IL17B: variants seen among roughly 807,000 people sequenced by gnomAD.
IL17B encodes interleukin-17B.
Under a neutral mutation model 14.7 loss-of-function variants are expected in IL17B, and 14 were observed. The ratio of observed to expected loss-of-function variants is 0.95; its 90% CI spans 0.63 to 1.49. The LOEUF is 1.49. Ranked by LOEUF, IL17B falls within the 40% of genes most tolerant of loss-of-function variation. The pLI, the probability that IL17B is intolerant of heterozygous loss-of-function variation, is 0.00. For missense variants in IL17B, 233 were observed against 252.8 expected (o/e 0.92, Z 0.53); for synonymous variants, 105 against 94.8 (o/e 1.11, Z -0.62).
chr5:149,380,386 CATT>C (rs1040921225), upstream of IL17B, among the ~76,000 whole-genome samples: 12 of 152,256 alleles, frequency 7.9e-5, no homozygotes, highest in Admixed American at 5.2e-4. Flanking sequence ...TTATTATAAA[CATT>C]AGTTGTTCTA....
At chr5:149,393,586 C>G (rs1759030629) in intron 1 of IL17B, among the ~76,000 whole-genome samples, 1 of 152,242 alleles carries the variant, frequency 6.6e-6, no homozygotes, top group South Asian at 2.1e-4. Context: ...TCACTTAACA[C>G]TGTCTTCCTT....
At chr5:149,402,829 C>G (rs1446801712) in intron 1 of IL17B, among the ~76,000 whole-genome samples, 1 of 151,422 alleles carries the variant, frequency 6.6e-6, no homozygotes, top group Admixed American at 6.6e-5. Context: ...CGGTGAAACC[C>G]CATCTCTATT....
intron 1 of IL17B, among the ~76,000 whole-genome samples, chr5:149,402,605 T>A (rs576090565): frequency 2.0e-4 from 30 of 151,258 alleles, no homozygotes; most frequent in African/African-American, 6.6e-4. Context: ...ACTCTCACAC[T>A]TACCCTCTCC....
At chr5:149,376,195 A>G (rs1448459882) in intron 2 of IL17B, among the ~76,000 whole-genome samples, 1 of 152,226 alleles carries the variant, frequency 6.6e-6, no homozygotes, top group African/African-American at 2.4e-5. Context: ...ATCCAGGGCA[A>G]TGGGTCTTGA....
At chr5:149,401,984 A>C (rs940394295) in intron 1 of IL17B, among the ~76,000 whole-genome samples, 1 of 152,162 alleles carries the variant, frequency 6.6e-6, no homozygotes, top group Non-Finnish European at 1.5e-5. Flanking sequence ...GGGTGCAATT[A>C]GTGTGGCCCG....
In IL17B at chr5:149,385,424, G is replaced by A. The variant is rs375586665; in HGVS notation, n.96-8399C>T. ...CTCCCAAAGTGCTGGCATTACAGGC[G>A]TGAGCCACCGTACGCGGCCAGTTTT... On this transcript the variant is annotated intron_variant and non_coding_transcript_variant, in intron 1 of 2. Coordinates refer to the IL17B transcript ENST00000505432. Among the ~76,000 whole-genome samples the A allele has an allele frequency of 1.4e-4, 22 of 152,294 alleles. No individual in the cohort carries two copies. The South Asian group carries it at 3.1e-3, about 21-fold the overall frequency.
At chr5:149,384,651 A>G (rs1377485615) in intron 1 of IL17B, among the ~76,000 whole-genome samples, 1 of 152,050 alleles carries the variant, frequency 6.6e-6, no homozygotes, top group Non-Finnish European at 1.5e-5. Flanking sequence ...ATATGTGGCA[A>G]GTGCCTGGCA....
intron 1 of IL17B, 133 bp downstream of exon 1, chr5:149,379,072 G>T: frequency 9.4e-7 from 1 of 1,061,958 alleles, no homozygotes; most frequent in Middle Eastern, 2.1e-4. Context: ...TCTAGTCCTG[G>T]GGGAGAAGAC....
upstream of IL17B, among the ~76,000 whole-genome samples, chr5:149,381,844 C>T (rs1758705831): frequency 6.6e-6 from 1 of 152,344 alleles, no homozygotes; most frequent in Middle Eastern, 3.4e-3. Flanking sequence ...GACTCAGTGC[C>T]AGGCCTGAGA....
Position 149,397,330 on chromosome 5 carries a change from G to A in IL17B, n.95+6778C>T, listed in dbSNP as rs185476436. ...ATTATAGATGCCCGCCATCAGGCCC[G>A]GCTAATTTTTGTATTTTTAGTAGAG... On this transcript the variant is annotated intron_variant and non_coding_transcript_variant, in intron 1 of 2. Coordinates refer to the IL17B transcript ENST00000505432. Among the ~76,000 whole-genome samples the A allele has an allele frequency of 1.0e-3, 159 of 152,164 alleles. 2 individuals are homozygous for A. Among genetic ancestry groups the A allele is most frequent in the South Asian group, 2.5e-3 (12 of 4,814 alleles).
At chr5:149,376,291 A>G (rs1373385084) in intron 2 of IL17B, among the ~76,000 whole-genome samples, 2 of 152,178 alleles carry the variant, frequency 1.3e-5, no homozygotes, top group East Asian at 1.9e-4. Context: ...GGAGGTTTGG[A>G]TTGGGCATGG....
chr5:149,377,560 G>A (rs1758579466), intron 1 of IL17B, among the ~76,000 whole-genome samples: 1 of 152,216 alleles, frequency 6.6e-6, no homozygotes, highest in Non-Finnish European at 1.5e-5. Context: ...ATGAATGGCT[G>A]TCCCCATCGC....
At chr5:149,393,929 C>T (rs1469097627) in intron 1 of IL17B, among the ~76,000 whole-genome samples, 4 of 152,116 alleles carry the variant, frequency 2.6e-5, no homozygotes, top group South Asian at 4.1e-4. Context: ...GACACAACAC[C>T]AAATGCCATA....
chr5:149,398,469 A>G (rs1759140627), intron 1 of IL17B, among the ~76,000 whole-genome samples: 1 of 152,216 alleles, frequency 6.6e-6, no homozygotes, highest in South Asian at 2.1e-4. Context: ...GTTTTTGAGA[A>G]AAGAGAGCGG....
chr5:149,393,544 C>T (rs1581394866), intron 1 of IL17B, among the ~76,000 whole-genome samples: 1 of 152,214 alleles, frequency 6.6e-6, no homozygotes, highest in South Asian at 2.1e-4. Context: ...CCTGCATCTT[C>T]CGAAACCCTC....
chr5:149,376,471 A>C (rs898965917), intron 2 of IL17B, among the ~76,000 whole-genome samples: 4 of 152,224 alleles, frequency 2.6e-5, no homozygotes, highest in Non-Finnish European at 5.9e-5. Context: ...GGAGACTTGA[A>C]GAACAATGAG....
At chr5:149,398,991 C>A (rs1759154970) in intron 1 of IL17B, among the ~76,000 whole-genome samples, 1 of 152,212 alleles carries the variant, frequency 6.6e-6, no homozygotes, top group Non-Finnish European at 1.5e-5. Context: ...TACGTGGCAG[C>A]AGCAAGAGAG....
chr5:149,391,042 C>A (rs1454964266), intron 1 of IL17B, among the ~76,000 whole-genome samples: 1 of 152,058 alleles, frequency 6.6e-6, no homozygotes, highest in Non-Finnish European at 1.5e-5. Context: ...GCTATCTCAG[C>A]TCACTGCAAT....
upstream of IL17B, among the ~76,000 whole-genome samples, chr5:149,380,338 CTATT>C (rs1223040820): frequency 6.6e-5 from 10 of 152,248 alleles, no homozygotes; most frequent in African/African-American, 2.4e-4. Flanking sequence ...AAACACTTAG[CTATT>C]TATTATAGAG....
Sources: gnomAD v4.1 joint callset for allele counts (sites outside exome capture counted in the v4.1 genomes callset) on GRCh38, gnomAD v4.1.1 for gene constraint, MANE v1.5 for transcripts, NCBI Gene and HGNC (gene_info 2026-07-23, HGNC 2026-07-21) for gene names.